The following SAMMSON variants were observed in gnomAD, a reference collection of about 807,000 sequenced individuals.
The protein encoded by SAMMSON is survival associated mitochondrial melanoma specific oncogenic non-coding RNA.
chr3:70,377,863 A>G (rs1412216875), intron 9 of SAMMSON, among the ~76,000 whole-genome samples: 1 of 152,048 alleles, frequency 6.6e-6, no homozygotes, highest in Non-Finnish European at 1.5e-5. Context: ...AAAGGCTAAT[A>G]AACACATGAA....
chr3:70,296,995 C>T (rs549843231), intron 7 of SAMMSON, among the ~76,000 whole-genome samples: 6 of 152,052 alleles, frequency 3.9e-5, no homozygotes, highest in South Asian at 2.1e-4. Flanking sequence ...GCTCCCCAAC[C>T]GCCTCCCCCA....
At chr3:70,051,403 T>C (rs1484548746) in intron 3 of SAMMSON, among the ~76,000 whole-genome samples, 2 of 147,688 alleles carry the variant, frequency 1.4e-5, no homozygotes, top group East Asian at 2.1e-4. Context: ...TATATAAATA[T>C]TTATTAGGTT....
At chr3:70,201,635 C>T (rs1701240417) in intron 4 of SAMMSON, among the ~76,000 whole-genome samples, 1 of 152,156 alleles carries the variant, frequency 6.6e-6, no homozygotes. Context: ...TATTGCAGCA[C>T]TGTAATTTGA....
At chr3:70,363,697 T>A (rs1201518877) in intron 9 of SAMMSON, among the ~76,000 whole-genome samples, 1 of 151,998 alleles carries the variant, frequency 6.6e-6, no homozygotes, top group Non-Finnish European at 1.5e-5. Context: ...TAATTTGCAA[T>A]GTCACTAGCA....
At chr3:70,395,216 T>C (rs1701081646) in intron 2 of SAMMSON, among the ~76,000 whole-genome samples, 1 of 152,064 alleles carries the variant, frequency 6.6e-6, no homozygotes, top group South Asian at 2.1e-4. Context: ...AAGGTCTCTA[T>C]TGTCCGCTCC....
intron 1 of SAMMSON, among the ~76,000 whole-genome samples, chr3:70,012,026 A>G (rs1056572382): frequency 6.6e-6 from 1 of 152,034 alleles, no homozygotes; most frequent in Non-Finnish European, 1.5e-5. Context: ...GATGGTGTGA[A>G]TGGTCTCAAC....
intron 4 of SAMMSON, among the ~76,000 whole-genome samples, chr3:70,224,071 A>C (rs1313112072): frequency 6.6e-6 from 1 of 152,186 alleles, no homozygotes; most frequent in Non-Finnish European, 1.5e-5. Context: ...TAGATACTGT[A>C]ACAAACACCA....
intron 2 of SAMMSON, among the ~76,000 whole-genome samples, chr3:70,415,955 C>T (rs1392882800): frequency 6.6e-6 from 1 of 152,120 alleles, no homozygotes; most frequent in African/African-American, 2.4e-5. Context: ...CTATCTCGTT[C>T]TCCTATCACT....
At position 70,209,570 on chromosome 3, in the gene SAMMSON, G is replaced by A. The variant is rs117265356; in HGVS notation, n.508-39537G>A. 6.7e-3 allele frequency among the ~76,000 whole-genome samples: 1,020 copies of A among 152,216 alleles called. 58 individuals carry two copies. In the East Asian group the frequency reaches 0.15, roughly 22 times the overall value. On this transcript the variant is annotated intron_variant and non_coding_transcript_variant, in intron 4 of 9. Coordinates refer to ENST00000642114, the Ensembl canonical transcript of SAMMSON. ...AATGAAGGTAACCAAGGCTTACAGA[G>A]TTTATTTAGGTAAATTGTCCAAGGC...
intron 4 of SAMMSON, among the ~76,000 whole-genome samples, chr3:70,199,113 A>G (rs1181902448): frequency 6.6e-6 from 1 of 152,220 alleles, no homozygotes; most frequent in African/African-American, 2.4e-5. Flanking sequence ...TTATGACCAT[A>G]TAAAAATGAG....
At chr3:70,256,940 G>T (rs1165677607) in intron 6 of SAMMSON, among the ~76,000 whole-genome samples, 4 of 152,102 alleles carry the variant, frequency 2.6e-5, no homozygotes, top group Admixed American at 6.6e-5. Flanking sequence ...ATTATAATTG[G>T]TCCACCCTGT....
intron 4 of SAMMSON, among the ~76,000 whole-genome samples, chr3:70,100,357 A>G (rs143105902): frequency 1.6e-3 from 241 of 152,194 alleles, no homozygotes; most frequent in African/African-American, 5.7e-3. Flanking sequence ...TGTGTTGCTC[A>G]GGCTGGTCTC....
chr3:70,053,733 G>T (rs2067155560), intron 3 of SAMMSON, among the ~76,000 whole-genome samples: 1 of 152,060 alleles, frequency 6.6e-6, no homozygotes, highest in African/African-American at 2.4e-5. Context: ...ATATCTGGGG[G>T]TCTTTCTTTT....
intron 4 of SAMMSON, among the ~76,000 whole-genome samples, chr3:70,081,477 C>T (rs2067268214): frequency 6.6e-6 from 1 of 152,198 alleles, no homozygotes; most frequent in Non-Finnish European, 1.5e-5. Flanking sequence ...ATCTTTCATC[C>T]TAACAAGACT....
chr3:70,393,580 C>A (rs954104297), downstream of SAMMSON, among the ~76,000 whole-genome samples: 1 of 152,042 alleles, frequency 6.6e-6, no homozygotes, highest in African/African-American at 2.4e-5. Flanking sequence ...AATAAAAGAA[C>A]TACAGAAGGT....
intron 9 of SAMMSON, among the ~76,000 whole-genome samples, chr3:70,367,687 C>T (rs114183474): frequency 0.022 from 3,268 of 151,498 alleles, 113 homozygotes; most frequent in African/African-American, 0.073. Context: ...TATTAATCAT[C>T]GGAAAGCATA....
At chr3:70,129,969 T>A (rs6549271) in intron 4 of SAMMSON, among the ~76,000 whole-genome samples, 1 of 152,000 alleles carries the variant, frequency 6.6e-6, no homozygotes, top group African/African-American at 2.4e-5. Flanking sequence ...TTAACACATC[T>A]ATTATGTCAC....
At chr3:70,207,876 A>G (rs1701306935) in intron 4 of SAMMSON, among the ~76,000 whole-genome samples, 1 of 151,988 alleles carries the variant, frequency 6.6e-6, no homozygotes. Flanking sequence ...ACACTGAGGG[A>G]CAACTGTATG....
chr3:70,169,976 A>G (rs561277258), intron 4 of SAMMSON, among the ~76,000 whole-genome samples: 4 of 152,058 alleles, frequency 2.6e-5, no homozygotes, highest in African/African-American at 9.6e-5. Flanking sequence ...GACACTGGCT[A>G]GCAGTCTAGT....
Sources: gnomAD v4.1 joint callset for allele counts (sites outside exome capture counted in the v4.1 genomes callset) on GRCh38, gnomAD v4.1.1 for gene constraint, MANE v1.5 for transcripts, NCBI Gene and HGNC (gene_info 2026-07-23, HGNC 2026-07-21) for gene names.